MACROH2A1: variants seen among roughly 807,000 people sequenced by gnomAD.
MACROH2A1 encodes the protein core histone macro-H2A.1.
Under a neutral mutation model 31.6 loss-of-function variants are expected in MACROH2A1, and 2 were observed. The observed-to-expected ratio is 0.06, with a 90% CI of 0.03 to 0.20. The LOEUF is 0.20. Ranked by LOEUF, MACROH2A1 falls within the 10% of genes least tolerant of loss-of-function variation. The probability of loss-of-function intolerance (pLI) is 1.00; values close to 1 mark genes in which losing one functional copy is unlikely to be tolerated. For synonymous variants in MACROH2A1, 169 were observed against 189.6 expected (o/e 0.89, Z 0.89); for missense variants, 230 against 474.0 (o/e 0.49, Z 4.78).
At chr5:135,381,541 G>A (rs1765649763) in intron 2 of MACROH2A1, among the ~76,000 whole-genome samples, 1 of 152,142 alleles carries the variant, frequency 6.6e-6, no homozygotes, top group Non-Finnish European at 1.5e-5. Context: ...CTTGAGCCCA[G>A]AAGACAGAGG....
chr5:135,376,599 A>G (rs1374587688), intron 2 of MACROH2A1, among the ~76,000 whole-genome samples: 2 of 152,090 alleles, frequency 1.3e-5, no homozygotes, highest in Admixed American at 6.5e-5. Context: ...CGCAAATGGC[A>G]CTGTGGTGAG....
rs572231547 is a variant in MACROH2A1, at chr5:135,343,457, G to GAAAC, written c.779-27_779-24dup. 425 of 1,611,480 alleles carry GAAAC rather than the reference G, an allele frequency of 2.6e-4. 2 individuals carry two copies. In the African/African-American group the frequency reaches 4.9e-3, roughly 19 times the overall value. On this transcript the variant is annotated intron_variant, in intron 7 of 8. Coordinates refer to ENST00000511689, the MANE Select transcript of MACROH2A1 (RefSeq NM_138610.3). ...CAGCTAGTGGTGCGGGGATGAAACAGAAACAGTGAGCTCTGGTTCACTGCA... is the reference window on the plus strand; with the variant it reads ...CAGCTAGTGGTGCGGGGATGAAACAGAAACAAACAGTGAGCTCTGGTTCACTGCA...
intron 8 of MACROH2A1, among the ~76,000 whole-genome samples, chr5:135,336,047 T>C (rs1296280963): frequency 4.6e-5 from 7 of 152,188 alleles, no homozygotes; most frequent in Non-Finnish European, 1.0e-4. Flanking sequence ...TCTTTGTTCA[T>C]TGGCAGATCT....
chr5:135,378,290 C>G (rs771858298), intron 2 of MACROH2A1, among the ~76,000 whole-genome samples: 1 of 152,226 alleles, frequency 6.6e-6, no homozygotes, highest in African/African-American at 2.4e-5. Context: ...TGCACCAGAC[C>G]GCCCCTTCCC....
intron 6 of MACROH2A1, chr5:135,350,736 C>T (rs1464221284): frequency 2.6e-6 from 2 of 779,238 alleles, no homozygotes; most frequent in Non-Finnish European, 4.5e-6. Context: ...TGAATGCAGC[C>T]CTGCATAGCT....
intron 2 of MACROH2A1, among the ~76,000 whole-genome samples, chr5:135,375,353 G>C (rs1235623614): frequency 6.6e-6 from 1 of 152,282 alleles, no homozygotes; most frequent in South Asian, 2.1e-4. Context: ...CACATCCTTG[G>C]ATAACAGCAT....
intron 2 of MACROH2A1, among the ~76,000 whole-genome samples, chr5:135,384,937 C>T (rs1766190042): frequency 6.6e-6 from 1 of 152,180 alleles, no homozygotes; most frequent in African/African-American, 2.4e-5. Context: ...CACAGTGGAC[C>T]CCAAGTGGTC....
intron 2 of MACROH2A1, among the ~76,000 whole-genome samples, chr5:135,384,605 T>C (rs1291267792): frequency 1.3e-5 from 2 of 152,130 alleles, no homozygotes; most frequent in Admixed American, 6.5e-5. Flanking sequence ...TGGGTGCCTT[T>C]TGGAGGAGTG....
chr5:135,365,292 G>T (rs550757304), intron 4 of MACROH2A1, among the ~76,000 whole-genome samples: 1 of 152,248 alleles, frequency 6.6e-6, no homozygotes, highest in South Asian at 2.1e-4. Flanking sequence ...GTTCTCTTAA[G>T]AGGGGCCAGG....
intron 4 of MACROH2A1, among the ~76,000 whole-genome samples, chr5:135,368,908 T>C (rs1156500676): frequency 6.6e-6 from 1 of 152,188 alleles, no homozygotes; most frequent in Non-Finnish European, 1.5e-5. Flanking sequence ...ACCTGAGTAA[T>C]ACATCCATTT....
At chr5:135,378,794 G>A (rs967161001) in intron 2 of MACROH2A1, among the ~76,000 whole-genome samples, 4 of 152,166 alleles carry the variant, frequency 2.6e-5, no homozygotes, top group Non-Finnish European at 5.9e-5. Context: ...TCAACATACG[G>A]CAGATGTTTT....
intron 2 of MACROH2A1, among the ~76,000 whole-genome samples, chr5:135,382,745 C>A (rs1055560262): frequency 6.6e-6 from 1 of 152,216 alleles, no homozygotes; most frequent in East Asian, 1.9e-4. Flanking sequence ...CATCAAGAAG[C>A]AATGAGGTCT....
chr5:135,396,835 G>A (rs1338925119), intron 1 of MACROH2A1, among the ~76,000 whole-genome samples: 1 of 152,102 alleles, frequency 6.6e-6, no homozygotes, highest in African/African-American at 2.4e-5. Context: ...CTGAGACACT[G>A]ACCTGACAGG....
intron 4 of MACROH2A1, among the ~76,000 whole-genome samples, chr5:135,363,675 C>T (rs1763131933): frequency 6.6e-6 from 1 of 152,112 alleles, no homozygotes; most frequent in African/African-American, 2.4e-5. Flanking sequence ...GATTTATAAC[C>T]CTTTGGGTAT....
In MACROH2A1 at chr5:135,334,885, T is replaced by G; in HGVS notation, c.*91A>C. On this transcript the variant is annotated 3_prime_UTR_variant, in exon 9 of 9. Coordinates refer to ENST00000511689, the MANE Select transcript of MACROH2A1 (RefSeq NM_138610.3). ...TGAGCAAAACTGAAAATGAAAGGGG[T>G]CCCACCTCCCAGTAGGAGTGAAGGG... 2 of 1,067,178 alleles carry G rather than the reference T, an allele frequency of 1.9e-6. No homozygotes were observed. Among genetic ancestry groups the G allele is most frequent in the Non-Finnish European group, 2.8e-6 (2 of 724,536 alleles). The allele number at this position is 1,067,178 out of a possible 1,614,324, so 66.1% of individuals were successfully genotyped here. A position where few individuals can be genotyped will look rare whatever the true frequency, so the allele number is the denominator to read the frequency against.
chr5:135,385,726 A>G (rs1319796378), intron 2 of MACROH2A1, among the ~76,000 whole-genome samples: 1 of 152,106 alleles, frequency 6.6e-6, no homozygotes, highest in African/African-American at 2.4e-5. Flanking sequence ...GGCTCAGCTG[A>G]TTTCTCCTCC....
chr5:135,359,734 A>G (rs1355256952), intron 5 of MACROH2A1: 1 of 966,734 alleles, frequency 1.0e-6, no homozygotes, highest in Admixed American at 6.2e-5. Flanking sequence ...GGAACGTCAA[A>G]TTCATTCCTT....
At chr5:135,386,793 G>A (rs1766471113) in intron 2 of MACROH2A1, among the ~76,000 whole-genome samples, 1 of 152,220 alleles carries the variant, frequency 6.6e-6, no homozygotes, top group Non-Finnish European at 1.5e-5. Flanking sequence ...CAAAGCAATG[G>A]TATTCCCCAT....
intron 1 of MACROH2A1, among the ~76,000 whole-genome samples, chr5:135,393,186 A>G (rs905975944): frequency 2.6e-5 from 4 of 152,284 alleles, no homozygotes; most frequent in Admixed American, 6.5e-5. Context: ...TTACTCTCAC[A>G]TCTTCAATAC....
Sources: gnomAD v4.1 joint callset for allele counts (sites outside exome capture counted in the v4.1 genomes callset) on GRCh38, gnomAD v4.1.1 for gene constraint, MANE v1.5 for transcripts, NCBI Gene and HGNC (gene_info 2026-07-23, HGNC 2026-07-21) for gene names.